The following AMZ2 variants were observed in gnomAD, a reference collection of about 807,000 sequenced individuals.
AMZ2 encodes archaelysin family metallopeptidase 2, also known as archaemetzincin-2.
AMZ2 carries 26 observed loss-of-function variants against 36.7 expected under a neutral mutation model. The ratio of observed to expected loss-of-function variants is 0.71; its 90% confidence interval spans 0.52 to 0.98. The LOEUF is 0.98. Among genes scored for constraint, AMZ2 ranks in the 50% least tolerant of loss-of-function variants. The probability of loss-of-function intolerance (pLI) is 0.00; values close to 1 mark genes in which losing one functional copy is unlikely to be tolerated. For synonymous variants in AMZ2, 144 were observed against 149.1 expected, an observed-to-expected ratio of 0.97 and a Z score of 0.25; for missense variants, 394 against 430.5, an observed-to-expected ratio of 0.92 and a Z score of 0.75.
chr17:68,225,769 C>T (rs1354217558), intron 1 of AMZ2, among the ~76,000 whole-genome samples: 2 of 151,950 alleles, frequency 1.3e-5, no homozygotes, highest in Non-Finnish European at 2.9e-5. Context: ...ATTACAGGTG[C>T]CCACCACCAT....
At chr17:68,217,227 G>C (rs1198960685) in intron 1 of AMZ2, among the ~76,000 whole-genome samples, 4 of 128,864 alleles carry the variant, frequency 3.1e-5, no homozygotes, top group Non-Finnish European at 6.8e-5. Context: ...TGACTCAGAT[G>C]ACAAATACCT....
At chr17:68,207,616 C>T (rs1345145365) in intron 1 of AMZ2, 2 of 152,202 alleles carry the variant, frequency 1.3e-5, no homozygotes, top group Non-Finnish European at 2.9e-5. Context: ...TGCTTACTTA[C>T]TGGAGAAGTA....
intron 1 of AMZ2, 79 bp from the exon 2 acceptor site, chr17:68,250,109 A>G: frequency 7.0e-7 from 1 of 1,438,434 alleles, no homozygotes; most frequent in Non-Finnish European, 9.4e-7. Flanking sequence ...GAGAAATCAG[A>G]GCTGAAATAT....
chr17:68,221,703 G>A (rs1555728585), intron 1 of AMZ2, among the ~76,000 whole-genome samples: 2 of 151,458 alleles, frequency 1.3e-5, no homozygotes, highest in African/African-American at 4.9e-5. Flanking sequence ...ACTCCAGCCT[G>A]GGCGACAGAG....
chr17:68,252,453 C>T (rs2074555818), intron 4 of AMZ2, among the ~76,000 whole-genome samples: 1 of 152,128 alleles, frequency 6.6e-6, no homozygotes, highest in Non-Finnish European at 1.5e-5. Context: ...TAAGTTTTCT[C>T]TTTTATTATT....
chr17:68,213,939 T>TGAAA (rs2073130587), intron 1 of AMZ2, among the ~76,000 whole-genome samples: 1 of 152,122 alleles, frequency 6.6e-6, no homozygotes, highest in Admixed American at 6.5e-5. Context: ...AGAGCTCTTT[T>TGAAA]GTTTTTAGAA....
intron 1 of AMZ2, among the ~76,000 whole-genome samples, chr17:68,242,868 C>T (rs1555734371): frequency 6.7e-6 from 1 of 150,144 alleles, no homozygotes; most frequent in African/African-American, 2.4e-5. Flanking sequence ...ATGGTGAAAC[C>T]CCCTCTCTAC....
intron 5 of AMZ2, 54 bp downstream of exon 5, chr17:68,254,621 CG>C: frequency 3.5e-6 from 5 of 1,442,370 alleles, no homozygotes; most frequent in Non-Finnish European, 3.8e-6. Flanking sequence ...ATCTTAGTTC[CG>C]TAAACTGTAT....
Position 68,250,976 on chromosome 17 carries a change from C to T in AMZ2, c.457+9C>T. The T allele has an allele frequency of 6.2e-7, 1 of 1,611,718 alleles. No homozygotes were observed. The highest frequency in any genetic ancestry group is 8.5e-7 in the Non-Finnish European group (1 of 1,179,428). On this transcript the variant is annotated intron_variant, in intron 3 of 6. Coordinates refer to ENST00000359904, the MANE Select transcript of AMZ2 (RefSeq NM_016627.5). ...CCTACAAATTCATGCAGGTGAATTACACGACTTTGCAATTCGAACTGAGTA... is the reference window on the plus strand; with the variant it reads ...CCTACAAATTCATGCAGGTGAATTATACGACTTTGCAATTCGAACTGAGTA...
intron 1 of AMZ2, among the ~76,000 whole-genome samples, chr17:68,209,338 C>T (rs1207796142): frequency 1.1e-4 from 17 of 151,724 alleles, no homozygotes; most frequent in Non-Finnish European, 2.2e-4. Flanking sequence ...GGATTACAGG[C>T]GCCCATCAGC....
chr17:68,244,373 G>A (rs56120843), upstream of AMZ2, among the ~76,000 whole-genome samples: 30,856 of 152,058 alleles, frequency 0.2, 3,518 homozygotes, highest in East Asian at 0.39. Flanking sequence ...TGCAACCTCC[G>A]CCTCCTGGGT....
At chr17:68,209,077 G>A (rs2072933924) in intron 1 of AMZ2, among the ~76,000 whole-genome samples, 1 of 152,116 alleles carries the variant, frequency 6.6e-6, no homozygotes, top group Non-Finnish European at 1.5e-5. Flanking sequence ...GGTCAGAATC[G>A]TTGCCAGACT....
At chr17:68,236,769 C>T (rs553639964) in intron 1 of AMZ2, among the ~76,000 whole-genome samples, 35 of 151,624 alleles carry the variant, frequency 2.3e-4, no homozygotes, top group African/African-American at 7.7e-4. Flanking sequence ...TTAGTAGAGA[C>T]GGGTTTCACC....
chr17:68,211,268 C>T (rs868921362), intron 1 of AMZ2, among the ~76,000 whole-genome samples: 3 of 151,920 alleles, frequency 2.0e-5, no homozygotes, highest in African/African-American at 4.8e-5. Flanking sequence ...TTTGGGAGGC[C>T]GATGCGGTAG....
In AMZ2 at chr17:68,235,206, G is replaced by T. The variant is rs1383596346; in HGVS notation, c.-66-13434G>T. 4.6e-5 allele frequency among the ~76,000 whole-genome samples: 7 copies of T among 152,182 alleles called. No homozygotes were observed. Among genetic ancestry groups the T allele is most frequent in the African/African-American group, 1.7e-4 (7 of 41,424 alleles). On this transcript the variant is annotated intron_variant, in intron 1 of 7. Coordinates refer to the AMZ2 transcript ENST00000674770. The surrounding 1 kb of genome is among the most constrained non-coding windows in gnomAD (Gnocchi z 4.2). ...GATATATCACAAGTACTTGTCTCCA[G>T]CGCTGGTTTCTTAGCAAAAAAACAA...
At chr17:68,232,469 C>T (rs1224321786) in intron 1 of AMZ2, among the ~76,000 whole-genome samples, 1 of 143,172 alleles carries the variant, frequency 7.0e-6, no homozygotes, top group Non-Finnish European at 1.5e-5. Flanking sequence ...GCACTCGAGC[C>T]TGGGTGACAG....
At chr17:68,209,589 T>G (rs1015896344) in intron 1 of AMZ2, among the ~76,000 whole-genome samples, 15 of 107,016 alleles carry the variant, frequency 1.4e-4, no homozygotes, top group Non-Finnish European at 1.9e-4. Flanking sequence ...TGGGTGTGTG[T>G]GTGTGTGTGT....
intron 2 of AMZ2, 111 bp downstream of exon 2, chr17:68,250,581 A>G: frequency 2.1e-6 from 3 of 1,400,310 alleles, no homozygotes; most frequent in Admixed American, 2.3e-5. Context: ...ATCGTTTTTG[A>G]TATTCATTGC....
chr17:68,230,445 G>A (rs1224247920), intron 1 of AMZ2, among the ~76,000 whole-genome samples: 2 of 152,218 alleles, frequency 1.3e-5, no homozygotes, highest in Non-Finnish European at 2.9e-5. Context: ...AGCTGGCACA[G>A]TGTCATCTCT....
Sources: allele counts gnomAD v4.1 joint callset (sites outside exome capture counted in the v4.1 genomes callset), GRCh38; gene constraint gnomAD v4.1.1; non-coding constraint Gnocchi (gnomAD v3.1); transcripts MANE v1.5; gene names NCBI Gene and HGNC (gene_info 2026-07-23, HGNC 2026-07-21).